The following UXS1 variants were observed in gnomAD, a reference collection of about 807,000 sequenced individuals.
The protein encoded by UXS1 is UDP-glucuronate decarboxylase 1.
In UXS1, 33 loss-of-function variants were observed where a neutral mutation model predicts 62.6. The observed-to-expected ratio is 0.53, with a 90% CI of 0.40 to 0.70. The LOEUF (loss-of-function observed/expected upper bound fraction) is 0.70. Among genes scored for constraint, UXS1 ranks in the 30% least tolerant of loss-of-function variants. The pLI is 0.00. For missense variants in UXS1, 434 were observed against 556.3 expected (o/e 0.78, Z 2.21); for synonymous variants, 213 against 206.8 (o/e 1.03, Z -0.26).
intron 1 of UXS1, among the ~76,000 whole-genome samples, chr2:106,169,507 C>T (rs1050532696): frequency 2.0e-5 from 3 of 152,006 alleles, no homozygotes; most frequent in African/African-American, 4.8e-5. Flanking sequence ...GGCCGGCCTG[C>T]GCAAACTGGT....
At chr2:106,149,299 G>GC (rs1301053362) in intron 5 of UXS1, among the ~76,000 whole-genome samples, 15 of 152,134 alleles carry the variant, frequency 9.9e-5, no homozygotes, top group Admixed American at 6.5e-5. Flanking sequence ...AAAATTCATG[G>GC]CAAGATTTTG....
At chr2:106,105,916 TG>T (rs986277411) in intron 10 of UXS1, among the ~76,000 whole-genome samples, 3 of 152,132 alleles carry the variant, frequency 2.0e-5, no homozygotes, top group Admixed American at 6.5e-5. Context: ...ATAACAACCC[TG>T]GGGTCTCTTC....
At chr2:106,187,154 A>G (rs570667702) in intron 1 of UXS1, among the ~76,000 whole-genome samples, 1 of 152,332 alleles carries the variant, frequency 6.6e-6, no homozygotes, top group Non-Finnish European at 1.5e-5. Flanking sequence ...TGTTCACTAA[A>G]ATATTCTTTT....
intron 1 of UXS1, among the ~76,000 whole-genome samples, chr2:106,170,180 G>A (rs1295927194): frequency 6.6e-6 from 1 of 152,130 alleles, no homozygotes; most frequent in Non-Finnish European, 1.5e-5. Flanking sequence ...CCCTGCATGT[G>A]ACTCTCCACC....
intron 1 of UXS1, among the ~76,000 whole-genome samples, chr2:106,169,418 T>A (rs7606936): frequency 6.6e-5 from 10 of 152,280 alleles, no homozygotes; most frequent in African/African-American, 2.4e-4. Flanking sequence ...TGATTTCAGG[T>A]TGGTGCGGTG....
intron 1 of UXS1, among the ~76,000 whole-genome samples, chr2:106,185,383 T>C (rs768897340): frequency 9.8e-5 from 15 of 152,356 alleles, no homozygotes; most frequent in Non-Finnish European, 2.1e-4. Context: ...ACACTTCTGA[T>C]ACCACGTGTG....
chr2:106,154,176 A>G (rs186683867), intron 5 of UXS1, among the ~76,000 whole-genome samples: 1 of 152,360 alleles, frequency 6.6e-6, no homozygotes, highest in African/African-American at 2.4e-5. Flanking sequence ...AACTCCCCAG[A>G]ATTGATGAAC....
chr2:106,178,943 C>A (rs1002822419), intron 1 of UXS1, among the ~76,000 whole-genome samples: 1 of 152,214 alleles, frequency 6.6e-6, no homozygotes, highest in Non-Finnish European at 1.5e-5. Flanking sequence ...TTTTCTCTAA[C>A]GGACAGCAGG....
chr2:106,181,317 C>T (rs1266632410), intron 1 of UXS1, among the ~76,000 whole-genome samples: 1 of 152,198 alleles, frequency 6.6e-6, no homozygotes, highest in African/African-American at 2.4e-5. Context: ...TGCTAACAGG[C>T]CCCAGCTCCC....
intron 4 of UXS1, among the ~76,000 whole-genome samples, chr2:106,161,523 G>A (rs1320033990): frequency 2.0e-5 from 3 of 152,166 alleles, no homozygotes; most frequent in Non-Finnish European, 4.4e-5. Flanking sequence ...GCAAAATGCA[G>A]CAGAGGCATG....
intron 14 of UXS1, among the ~76,000 whole-genome samples, chr2:106,095,690 AATTTCAGT>A (rs1231612704): frequency 6.6e-6 from 1 of 152,144 alleles, no homozygotes; most frequent in Admixed American, 6.5e-5. Context: ...GGGGAGCCCG[AATTTCAGT>A]GGGGCACATG....
chr2:106,172,152 C>T (rs1409053306), intron 1 of UXS1, among the ~76,000 whole-genome samples: 2 of 152,228 alleles, frequency 1.3e-5, no homozygotes, highest in African/African-American at 2.4e-5. Flanking sequence ...GGAAATGCAG[C>T]ATGTATGGGG....
At chr2:106,109,591 G>T (rs1390729505) in intron 10 of UXS1, among the ~76,000 whole-genome samples, 1 of 152,176 alleles carries the variant, frequency 6.6e-6, no homozygotes, top group South Asian at 2.1e-4. Context: ...AAGCCTCTTC[G>T]AAAATAAACT....
At chr2:106,160,021 GC>G (rs1682766574) in intron 4 of UXS1, 1 of 152,228 alleles carries the variant, frequency 6.6e-6, no homozygotes, top group South Asian at 2.1e-4. Flanking sequence ...TTTAGTACTT[GC>G]CGCCCATAGG....
At chr2:106,187,166 G>A (rs528245439) in intron 1 of UXS1, among the ~76,000 whole-genome samples, 18 of 152,254 alleles carry the variant, frequency 1.2e-4, no homozygotes, top group Admixed American at 5.9e-4. Context: ...TATTCTTTTA[G>A]TAGAAAAGAT....
intron 6 of UXS1, among the ~76,000 whole-genome samples, chr2:106,144,047 G>T (rs1413568780): frequency 2.0e-5 from 3 of 152,186 alleles, no homozygotes; most frequent in Non-Finnish European, 2.9e-5. Context: ...GCACCACCTA[G>T]CATCTTGGGT....
intron 7 of UXS1, among the ~76,000 whole-genome samples, chr2:106,127,722 T>A (rs1216961289): frequency 1.3e-5 from 2 of 152,150 alleles, no homozygotes; most frequent in East Asian, 3.9e-4. Flanking sequence ...TGACAGCGCC[T>A]CTCGGTTCAG....
chr2:106,099,894 C>G (rs376118586), intron 12 of UXS1, among the ~76,000 whole-genome samples: 1 of 152,238 alleles, frequency 6.6e-6, no homozygotes, highest in Admixed American at 6.5e-5. Flanking sequence ...GGAGTCAGCA[C>G]TCCAGGGCAA....
At chr2:106,138,113 T>C (rs1680811645) in intron 6 of UXS1, 1 of 939,540 alleles carries the variant, frequency 1.1e-6, no homozygotes, top group Non-Finnish European at 1.3e-6. Flanking sequence ...GGAAGAAGTG[T>C]GCCTTGAGAG....
Sources: gnomAD v4.1 joint callset for allele counts (sites outside exome capture counted in the v4.1 genomes callset) on GRCh38, gnomAD v4.1.1 for gene constraint, MANE v1.5 for transcripts, NCBI Gene and HGNC (gene_info 2026-07-23, HGNC 2026-07-21) for gene names.